The following ARHGAP10 variants were observed in gnomAD, a reference collection of about 807,000 sequenced individuals.
ARHGAP10 encodes the protein Rho GTPase activating protein 10.
In ARHGAP10, 87 loss-of-function variants were observed where a neutral mutation model predicts 108.6. That is an observed-to-expected ratio of 0.80 (90% confidence interval 0.67 to 0.96). ARHGAP10 has a LOEUF of 0.96. Among genes scored for constraint, ARHGAP10 ranks in the 40% least tolerant of loss-of-function variants. The pLI, the probability that ARHGAP10 is intolerant of heterozygous loss-of-function variation, is 0.00. For missense variants in ARHGAP10, 939 were observed against 954.5 expected (o/e 0.98, Z 0.21); for synonymous variants, 347 against 341.1 (o/e 1.02, Z -0.19).
intron 10 of ARHGAP10, among the ~76,000 whole-genome samples, chr4:147,904,801 C>T (rs559660062): frequency 1.5e-3 from 228 of 152,284 alleles, no homozygotes; most frequent in Middle Eastern, 6.8e-3. Context: ...CCTGAGGAAT[C>T]GCCACACTGA....
rs1738757443 is a variant in ARHGAP10, at chr4:147,955,480, A to G, written c.1450+106A>G. ...CAACTTGTTATTGCAGTTTGTGTTA[A>G]AAATAGAAATCGCTTTAAATGATGT... On this transcript the variant is annotated intron_variant, in intron 16 of 22. Transcript: ENST00000336498. 4.0e-6 allele frequency: 4 copies of G among 989,558 alleles called. No homozygotes were observed. In the South Asian group the frequency reaches 6.2e-5, roughly 15 times the overall value. The allele number at this position is 989,558 out of a possible 1,614,324, so 61.3% of individuals were successfully genotyped here.
intron 1 of ARHGAP10, chr4:147,809,021 T>G (rs1731905693): frequency 6.6e-6 from 1 of 152,238 alleles, no homozygotes; most frequent in African/African-American, 2.4e-5. Flanking sequence ...TAGTGTAGTG[T>G]GCGATGTTAA....
chr4:147,972,920 A>T (rs1032066103), intron 18 of ARHGAP10, among the ~76,000 whole-genome samples: 2 of 151,586 alleles, frequency 1.3e-5, no homozygotes, highest in Non-Finnish European at 2.9e-5. Context: ...ATGCCTGGCT[A>T]ATTTTGTATT....
chr4:147,845,528 C>T (rs1733596460), intron 3 of ARHGAP10, among the ~76,000 whole-genome samples: 1 of 152,156 alleles, frequency 6.6e-6, no homozygotes, highest in Admixed American at 6.5e-5. Context: ...TGCCATGTTG[C>T]ATGGTGGTTA....
chr4:147,946,611 C>T lies in ARHGAP10; in HGVS notation c.1304-6C>T, dbSNP rs772429649. ...ATTATTTTTTTCTTGTTTGCTTGCT[C>T]ACTAGATGTAAAAACATGCAATGAG... On this transcript the variant is annotated splice_region_variant and splice_polypyrimidine_tract_variant and intron_variant, in intron 14 of 22. Transcript: ENST00000336498. The T allele has an allele frequency of 3.7e-4, 593 of 1,610,036 alleles. No homozygotes were observed. Among genetic ancestry groups the T allele is most frequent in the Non-Finnish European group, 4.7e-4 (558 of 1,178,464 alleles).
chr4:147,772,880 T>C (rs1368935325), intron 1 of ARHGAP10, among the ~76,000 whole-genome samples: 1 of 152,160 alleles, frequency 6.6e-6, no homozygotes, highest in Non-Finnish European at 1.5e-5. Context: ...GCAGCTGTCG[T>C]ATCTCTTAGT....
chr4:147,837,872 T>C (rs184602756), intron 3 of ARHGAP10, among the ~76,000 whole-genome samples: 9 of 152,136 alleles, frequency 5.9e-5, no homozygotes, highest in African/African-American at 2.2e-4. Flanking sequence ...TGTTCCTGTA[T>C]GTGCCTGATT....
chr4:147,843,041 A>G (rs1424631910), intron 3 of ARHGAP10, among the ~76,000 whole-genome samples: 4 of 152,128 alleles, frequency 2.6e-5, no homozygotes, highest in Admixed American at 6.5e-5. Flanking sequence ...TTTGTACTTT[A>G]TGGAAAAAAT....
intron 13 of ARHGAP10, among the ~76,000 whole-genome samples, chr4:147,939,027 C>A (rs917566536): frequency 6.6e-6 from 1 of 152,178 alleles, no homozygotes; most frequent in African/African-American, 2.4e-5. Context: ...TGTAAGGTTA[C>A]TTTTAACCCT....
chr4:147,812,478 T>G (rs1224068233), intron 1 of ARHGAP10, among the ~76,000 whole-genome samples: 5 of 152,126 alleles, frequency 3.3e-5, no homozygotes, highest in Non-Finnish European at 5.9e-5. Flanking sequence ...AGATTTCCTT[T>G]CCTTCCTTCT....
At chr4:147,784,125 A>T (rs1730699097) in intron 1 of ARHGAP10, among the ~76,000 whole-genome samples, 1 of 125,132 alleles carries the variant, frequency 8.0e-6, no homozygotes, top group African/African-American at 2.9e-5. Context: ...TTTACATAAC[A>T]TTAAATTGTG....
At chr4:148,001,825 G>T (rs1304164537) in intron 18 of ARHGAP10, among the ~76,000 whole-genome samples, 1 of 152,122 alleles carries the variant, frequency 6.6e-6, no homozygotes, top group Non-Finnish European at 1.5e-5. Context: ...TGAGATGATG[G>T]GGTTTTCTAA....
intron 1 of ARHGAP10, among the ~76,000 whole-genome samples, chr4:147,806,670 G>A (rs1167606138): frequency 6.6e-6 from 1 of 152,082 alleles, no homozygotes; most frequent in Non-Finnish European, 1.5e-5. Flanking sequence ...TTCCTTGTCT[G>A]GCAGGTACCC....
At chr4:147,830,609 T>G (rs1434603706) in intron 3 of ARHGAP10, among the ~76,000 whole-genome samples, 2 of 150,222 alleles carry the variant, frequency 1.3e-5, no homozygotes, top group Non-Finnish European at 2.9e-5. Flanking sequence ...AACCTCTGCC[T>G]CTCATGTTCA....
Position 147,978,775 on chromosome 4 carries a change from C to A in ARHGAP10, c.1716+11936C>A, listed in dbSNP as rs1426793750. On this transcript the variant is annotated intron_variant, in intron 18 of 22. Coordinates refer to ENST00000336498, the MANE Select transcript of ARHGAP10 (RefSeq NM_024605.4). ...GAGAATGGCCTAATACAGATGGTAT[C>A]TCATTGTGGTTTCAATTTGCATTTC... is the stretch of plus-strand genomic sequence containing the variant. Among the ~76,000 whole-genome samples, 3 of 152,076 alleles carry A rather than the reference C, an allele frequency of 2.0e-5. No homozygotes were observed. The East Asian group carries it at 5.8e-4, about 29-fold the overall frequency.
In ARHGAP10 at chr4:148,064,449, G is replaced by A. The variant is rs562056243; in HGVS notation, c.2214G>A (p.Pro738=). 118 of 1,614,154 alleles carry A rather than the reference G, an allele frequency of 7.3e-5. No individual in the cohort carries two copies. The South Asian group carries it at 8.7e-4, about 12-fold the overall frequency. Residue 738 remains proline (P), a synonymous_variant, in exon 22 of 23, where the codon CCG becomes CCA. Transcript: ENST00000336498. ...IRSRKARAVY[P]CEAEHSSELS... ...GTCGGAAGGCTCGAGCCGTGTATCC[G>A]TGTGAAGCAGAACACAGCTCGGAAT... is the stretch of plus-strand genomic sequence containing the variant.
intron 18 of ARHGAP10, among the ~76,000 whole-genome samples, chr4:147,984,459 T>C (rs1437440086): frequency 2.0e-5 from 3 of 152,240 alleles, no homozygotes; most frequent in African/African-American, 7.2e-5. Flanking sequence ...GCTAATGCCA[T>C]GCCCGTGTTT....
intron 15 of ARHGAP10, among the ~76,000 whole-genome samples, chr4:147,949,959 C>T (rs1270679154): frequency 2.0e-5 from 3 of 152,240 alleles, no homozygotes; most frequent in Non-Finnish European, 1.5e-5. Context: ...TTGATATTCT[C>T]GGAAGCTGGT....
intron 7 of ARHGAP10, 110 bp downstream of exon 7, chr4:147,866,926 T>C (rs1182119860): frequency 2.0e-5 from 18 of 883,404 alleles, no homozygotes; most frequent in African/African-American, 3.4e-5. Flanking sequence ...CTGTTTGTAC[T>C]GAGAAACTGA....
Sources: allele counts gnomAD v4.1 joint callset (sites outside exome capture counted in the v4.1 genomes callset), GRCh38; gene constraint gnomAD v4.1.1; transcripts MANE v1.5; gene names NCBI Gene and HGNC (gene_info 2026-07-23, HGNC 2026-07-21).